Variants in ENOX1 observed in about 807,000 individuals in gnomAD.
The protein encoded by ENOX1 is candidate growth-related and time keeping constitutive hydroquinone (NADH) oxidase.
In ENOX1, 42 loss-of-function variants were observed where a neutral mutation model predicts 82.5. The ratio of observed to expected loss-of-function variants is 0.51; its 90% CI spans 0.40 to 0.66. The LOEUF (loss-of-function observed/expected upper bound fraction) is 0.66, where lower values mean the gene tolerates loss of function less well. Ranked by LOEUF, ENOX1 falls within the 30% of genes least tolerant of loss-of-function variation. The pLI is 0.00. For missense variants in ENOX1, 608 were observed against 811.6 expected, an observed-to-expected ratio of 0.75 and a Z score of 3.05; for synonymous variants, 271 against 282.2, an observed-to-expected ratio of 0.96 and a Z score of 0.40.
intron 3 of ENOX1, among the ~76,000 whole-genome samples, chr13:43,463,766 G>A (rs930802472): frequency 3.9e-5 from 6 of 152,044 alleles, no homozygotes; most frequent in African/African-American, 9.7e-5. Flanking sequence ...GGCAAACTGG[G>A]ATCAATTTGC....
At chr13:43,215,163 T>C (rs187846424) in intron 16 of ENOX1, among the ~76,000 whole-genome samples, 2 of 152,300 alleles carry the variant, frequency 1.3e-5, no homozygotes, top group African/African-American at 4.8e-5. Context: ...TTTAACAATA[T>C]TAGGATTCAT....
At chr13:43,668,711 C>A (rs1566738865) in intron 1 of ENOX1, among the ~76,000 whole-genome samples, 1 of 152,108 alleles carries the variant, frequency 6.6e-6, no homozygotes, top group Non-Finnish European at 1.5e-5. Context: ...AGGGAAAGGT[C>A]AGCACAAGAA....
At chr13:43,252,249 C>A (rs2043500175) in intron 14 of ENOX1, among the ~76,000 whole-genome samples, 1 of 152,144 alleles carries the variant, frequency 6.6e-6, no homozygotes, top group Non-Finnish European at 1.5e-5. Context: ...GTCTCCCCTG[C>A]AAGGACAGTT....
chr13:43,754,266 C>T (rs1356986590), intron 1 of ENOX1, among the ~76,000 whole-genome samples: 1 of 138,022 alleles, frequency 7.2e-6, no homozygotes, highest in Admixed American at 7.1e-5. Flanking sequence ...TACATATATA[C>T]ACACACACAT....
At chr13:43,488,282 T>G (rs950041358) in intron 2 of ENOX1, among the ~76,000 whole-genome samples, 3 of 152,176 alleles carry the variant, frequency 2.0e-5, no homozygotes, top group Non-Finnish European at 4.4e-5. Flanking sequence ...TAAAAGAGTC[T>G]TCACACAGCA....
At chr13:43,394,202 C>G (rs1393311005) in intron 5 of ENOX1, among the ~76,000 whole-genome samples, 2 of 152,208 alleles carry the variant, frequency 1.3e-5, no homozygotes, top group Non-Finnish European at 1.5e-5. Context: ...TATCAATAGG[C>G]TTTTCCTTTA....
intron 16 of ENOX1, among the ~76,000 whole-genome samples, chr13:43,218,887 T>G (rs559596459): frequency 6.6e-6 from 1 of 152,348 alleles, no homozygotes; most frequent in East Asian, 1.9e-4. Flanking sequence ...TTATAAATAC[T>G]TCCACTTACT....
chr13:43,392,155 T>G (rs1243995098), intron 5 of ENOX1, among the ~76,000 whole-genome samples: 1 of 152,228 alleles, frequency 6.6e-6, no homozygotes, highest in Non-Finnish European at 1.5e-5. Flanking sequence ...ACCTGAAGAT[T>G]CATGGTAAGT....
intron 15 of ENOX1, among the ~76,000 whole-genome samples, chr13:43,227,922 C>G (rs2042099276): frequency 6.6e-6 from 1 of 151,984 alleles, no homozygotes; most frequent in African/African-American, 2.4e-5. Context: ...TCATCATCCT[C>G]CCCGGTACCT....
intron 12 of ENOX1, among the ~76,000 whole-genome samples, chr13:43,285,572 G>A (rs1387425827): frequency 3.3e-5 from 5 of 150,902 alleles, no homozygotes; most frequent in South Asian, 2.1e-4. Flanking sequence ...TTTTTTTGCC[G>A]AGGCAGGCAG....
At chr13:43,271,683 A>G (rs924082473) in intron 12 of ENOX1, among the ~76,000 whole-genome samples, 14 of 152,008 alleles carry the variant, frequency 9.2e-5, no homozygotes, top group African/African-American at 3.4e-4. Flanking sequence ...ACACACACAC[A>G]CACAAGCATG....
intron 3 of ENOX1, among the ~76,000 whole-genome samples, chr13:43,460,343 C>A (rs9562490): frequency 0.16 from 24,830 of 151,982 alleles, 2,150 homozygotes; most frequent in East Asian, 0.32. Flanking sequence ...CTATTTTTTT[C>A]ATTAAAAATT....
At chr13:43,528,947 T>C (rs574869085) in intron 2 of ENOX1, among the ~76,000 whole-genome samples, 2 of 152,194 alleles carry the variant, frequency 1.3e-5, no homozygotes, top group Admixed American at 6.6e-5. Context: ...ATAATTGCCT[T>C]GTATTTTGAG....
chr13:43,625,498 C>T (rs1163335039), intron 2 of ENOX1, among the ~76,000 whole-genome samples: 1 of 151,910 alleles, frequency 6.6e-6, no homozygotes, highest in Admixed American at 6.6e-5. Context: ...TGTCATATAT[C>T]GAGTTTAAGA....
intron 1 of ENOX1, among the ~76,000 whole-genome samples, chr13:43,769,887 C>T (rs1173653110): frequency 6.6e-6 from 1 of 152,198 alleles, no homozygotes; most frequent in Non-Finnish European, 1.5e-5. Context: ...TCACAACAGG[C>T]AGTTGAGGGA....
chr13:43,228,849 TGCTTA>T (rs1402225352), intron 15 of ENOX1, among the ~76,000 whole-genome samples: 8 of 152,152 alleles, frequency 5.3e-5, no homozygotes, highest in African/African-American at 1.9e-4. Context: ...TTTTAGATAG[TGCTTA>T]GCACAATGAA....
intron 2 of ENOX1, among the ~76,000 whole-genome samples, chr13:43,556,922 A>G (rs1417242871): frequency 6.6e-6 from 1 of 152,234 alleles, no homozygotes; most frequent in Admixed American, 6.5e-5. Flanking sequence ...GGAAGGGACT[A>G]GGGGAGAGGG....
At chr13:43,551,728 T>C (rs1367245500) in intron 2 of ENOX1, among the ~76,000 whole-genome samples, 1 of 152,194 alleles carries the variant, frequency 6.6e-6, no homozygotes, top group African/African-American at 2.4e-5. Context: ...AAAGCTGTTC[T>C]AGCTGTTCCT....
At chr13:43,780,022 A>G (rs187614661) in intron 1 of ENOX1, among the ~76,000 whole-genome samples, 56 of 152,150 alleles carry the variant, frequency 3.7e-4, no homozygotes, top group African/African-American at 7.0e-4. Context: ...TTAGCTGGGC[A>G]TGGTGGCGAG....
Sources: allele counts gnomAD v4.1 joint callset (sites outside exome capture counted in the v4.1 genomes callset), GRCh38; gene constraint gnomAD v4.1.1; transcripts MANE v1.5; gene names NCBI Gene and HGNC (gene_info 2026-07-23, HGNC 2026-07-21).